Variants in TACC2 observed in about 807,000 individuals in gnomAD.
TACC2 encodes transforming acidic coiled-coil containing protein 2.
Under a neutral mutation model 227.3 loss-of-function variants are expected in TACC2, and 137 were observed. That is an observed-to-expected ratio of 0.60 (90% CI 0.52 to 0.69). The LOEUF is 0.69. Among genes scored for constraint, TACC2 ranks in the 30% least tolerant of loss-of-function variants. The probability of loss-of-function intolerance (pLI) is 0.00; values close to 1 mark genes in which losing one functional copy is unlikely to be tolerated. For missense variants in TACC2, 3,470 were observed against 3,694.4 expected (o/e 0.94, Z 1.57); for synonymous variants, 1,523 against 1,487.5 (o/e 1.02, Z -0.55).
At position 122,049,295 on chromosome 10, in the gene TACC2, CT is replaced by C. The variant is rs200172032; in HGVS notation, c.34-1142del. Among the ~76,000 whole-genome samples the C allele has an allele frequency of 9.9e-3, 1,502 of 152,348 alleles. 27 individuals carry two copies. The highest frequency in any genetic ancestry group is 0.035 in the African/African-American group (1,444 of 41,584). On this transcript the variant is annotated intron_variant, in intron 2 of 22. Coordinates refer to ENST00000369005, the MANE Select transcript of TACC2 (RefSeq NM_206862.4). ...ATCTCGGCTTTTCTCTGCCTGCGAG[CT>C]CTGCCATCTCTTTCTGTGGCGGTTT...
At chr10:122,213,506 A>T in intron 9 of TACC2, 1 of 895,408 alleles carries the variant, frequency 1.1e-6, no homozygotes, top group Non-Finnish European at 1.8e-6. Context: ...TGGGCCTGCG[A>T]ATGATGGGGC....
chr10:122,113,815 TGA>T (rs1174793293), intron 5 of TACC2, among the ~76,000 whole-genome samples: 1 of 152,232 alleles, frequency 6.6e-6, no homozygotes, highest in Admixed American at 6.5e-5. Flanking sequence ...GCGCAACACG[TGA>T]CCCGCCCGAG....
chr10:122,230,970 T>A (rs1013928345), intron 16 of TACC2, among the ~76,000 whole-genome samples: 2 of 152,252 alleles, frequency 1.3e-5, no homozygotes, highest in Non-Finnish European at 2.9e-5. Flanking sequence ...AAGCAATTCT[T>A]TCTGTAAAGT....
At chr10:121,992,217 G>A (rs1324098083) in intron 1 of TACC2, among the ~76,000 whole-genome samples, 1 of 152,182 alleles carries the variant, frequency 6.6e-6, no homozygotes, top group Non-Finnish European at 1.5e-5. Context: ...GTAGAAAGCT[G>A]TGAAGAAGGC....
chr10:122,122,798 A>G (rs1041116295), intron 5 of TACC2, among the ~76,000 whole-genome samples: 9 of 152,238 alleles, frequency 5.9e-5, no homozygotes, highest in African/African-American at 2.2e-4. Context: ...CCTGGCAAAC[A>G]GAAAGAAGTG....
In TACC2 at chr10:122,082,764, G is replaced by A. The variant is rs773786012; in HGVS notation, c.264G>A (p.Arg88=). ...CAAGGAAGGACCCACAGGGAGCCAGGGGGCCAGAAGGTTCTTTGCTGCCCA... is the reference window on the plus strand; with the variant it reads ...CAAGGAAGGACCCACAGGGAGCCAGAGGGCCAGAAGGTTCTTTGCTGCCCA... The part of the protein sequence containing the change: ...TEPRKDPQGA[R]GPEGSLLPSP... The change falls in exon 4 of 23, where the codon AGG becomes AGA. Residue 88 remains arginine, a synonymous_variant. Coordinates refer to ENST00000369005, the MANE Select transcript of TACC2 (RefSeq NM_206862.4). 6.2e-7 allele frequency: 1 copy of A among 1,613,966 alleles called. No individual in the cohort carries two copies. The highest frequency in any genetic ancestry group is 1.1e-5 in the South Asian group (1 of 91,062).
intron 6 of TACC2, among the ~76,000 whole-genome samples, chr10:122,135,964 C>G (rs11200426): frequency 6.6e-6 from 1 of 152,190 alleles, no homozygotes. Flanking sequence ...CAACAGGCCT[C>G]GGGGCGAAAA....
intron 3 of TACC2, among the ~76,000 whole-genome samples, chr10:122,061,975 CAG>C (rs935991728): frequency 1.3e-4 from 18 of 143,916 alleles, no homozygotes; most frequent in Non-Finnish European, 2.6e-4. Context: ...CCACAGGAAA[CAG>C]AATTTTAGAA....
chr10:122,191,337 C>A (rs537208724), intron 7 of TACC2, among the ~76,000 whole-genome samples: 1 of 152,036 alleles, frequency 6.6e-6, no homozygotes, highest in Non-Finnish European at 1.5e-5. Context: ...CTCCTGTGCC[C>A]GACACATAAC....
intron 6 of TACC2, among the ~76,000 whole-genome samples, chr10:122,133,693 C>T (rs1328411837): frequency 6.6e-6 from 1 of 152,192 alleles, no homozygotes; most frequent in African/African-American, 2.4e-5. Flanking sequence ...CCCTTCCTCC[C>T]AGAAGCCTTC....
intron 5 of TACC2, among the ~76,000 whole-genome samples, chr10:122,094,844 A>G (rs1329802283): frequency 2.0e-5 from 3 of 152,230 alleles, no homozygotes; most frequent in Non-Finnish European, 2.9e-5. Context: ...ATGATTTCCC[A>G]AATTGAATGT....
chr10:122,112,318 G>A (rs1484372160), intron 5 of TACC2, among the ~76,000 whole-genome samples: 1 of 152,168 alleles, frequency 6.6e-6, no homozygotes, highest in East Asian at 1.9e-4. Flanking sequence ...AGTTAGTTAG[G>A]CCCTTAAAGG....
chr10:122,253,253 G>A (rs1331794197), intron 22 of TACC2, among the ~76,000 whole-genome samples: 6 of 152,176 alleles, frequency 3.9e-5, no homozygotes, highest in South Asian at 4.1e-4. Context: ...ATTGGAGATC[G>A]GTCGTGCTGT....
chr10:122,015,476 G>C (rs1324838522), intron 1 of TACC2, among the ~76,000 whole-genome samples: 1 of 151,656 alleles, frequency 6.6e-6, no homozygotes, highest in African/African-American at 2.4e-5. Flanking sequence ...CTGCACTCCA[G>C]CCTAGGTGAC....
In TACC2 at chr10:121,989,309, C is replaced by T. The variant is rs1372119388; in HGVS notation, c.-225C>T. On this transcript the variant is annotated 5_prime_UTR_variant, in exon 1 of 23. Coordinates refer to ENST00000369005, the MANE Select transcript of TACC2 (RefSeq NM_206862.4). The stretch of plus-strand genomic sequence containing the variant: ...CCCGCTTGGTCCTCTTCCAAGTATA[C>T]TTTACTTCCTTTCATTCCTCTCTAA... The T allele has an allele frequency of 1.3e-5, 2 of 152,288 alleles. No individual in the cohort carries two copies. Among genetic ancestry groups the T allele is most frequent in the Admixed American group, 1.3e-4 (2 of 15,290 alleles). 9.4% of individuals were successfully genotyped at this position (152,288 alleles called of 1,614,324 possible). A position where few individuals can be genotyped will look rare whatever the true frequency, so the allele number is the denominator to read the frequency against.
chr10:122,172,775 C>G (rs2093539168), intron 7 of TACC2, among the ~76,000 whole-genome samples: 1 of 151,930 alleles, frequency 6.6e-6, no homozygotes, highest in Non-Finnish European at 1.5e-5. Context: ...CAGCACCAGG[C>G]TCTTGTGGGA....
Position 122,050,704 on chromosome 10 carries a change from A to T in TACC2, c.146+154A>T, listed in dbSNP as rs1477340553. The T allele has an allele frequency of 1.6e-6, 1 of 619,026 alleles. No homozygotes were observed. Among genetic ancestry groups the T allele is most frequent in the Non-Finnish European group, 2.9e-6 (1 of 347,290 alleles). 38.3% of individuals were successfully genotyped at this position (619,026 alleles called of 1,614,324 possible). A position where few individuals can be genotyped will look rare whatever the true frequency, so the allele number is the denominator to read the frequency against. ...TGAGATGTTCCAAGCAGTGGTTCAC[A>T]GACCTCTCTGTGACTGGCTAGGCCT... On this transcript the variant is annotated intron_variant, in intron 3 of 22. Transcript: ENST00000369005. This position sits in a 1 kb window ranked among gnomAD's most constrained non-coding sequence, Gnocchi z 4.6.
At position 122,081,881 on chromosome 10, in the gene TACC2, G is replaced by A. The variant is rs77602672; in HGVS notation, c.147-766G>A. 2.4e-3 allele frequency among the ~76,000 whole-genome samples: 369 copies of A among 152,278 alleles called. 2 individuals carry two copies. Among genetic ancestry groups the A allele is most frequent in the African/African-American group, 8.5e-3 (352 of 41,546 alleles). On this transcript the variant is annotated intron_variant, in intron 3 of 22. Coordinates refer to ENST00000369005, the MANE Select transcript of TACC2 (RefSeq NM_206862.4). ...GAAGAATCAAGTTAACTATTACCAG[G>A]AATGGCTCTTTATTTCAAAGCCTGG... is the stretch of plus-strand genomic sequence containing the variant.
chr10:122,224,757 A>G lies in TACC2; in HGVS notation c.7578A>G (p.Glu2526=), dbSNP rs750288599. The G allele has an allele frequency of 1.2e-6, 2 of 1,613,998 alleles. No homozygotes were observed. Among genetic ancestry groups the G allele is most frequent in the Non-Finnish European group, 1.7e-6 (2 of 1,179,994 alleles). ...ATTACAGAAACTCCTATGAAATTGA[A>G]TATATGGAGAAAATTGGCTCCTCCT... ...ELDYRNSYEI[E]YMEKIGSSLP... is the part of the protein sequence containing the mutation. Residue 2526 remains glutamate (E), a synonymous_variant, in exon 12 of 23, where the codon GAA becomes GAG. Coordinates refer to ENST00000369005, the MANE Select transcript of TACC2 (RefSeq NM_206862.4).
Sources: gnomAD v4.1 joint callset for allele counts (sites outside exome capture counted in the v4.1 genomes callset) on GRCh38, gnomAD v4.1.1 for gene constraint, Gnocchi (gnomAD v3.1) non-coding constraint, MANE v1.5 for transcripts, NCBI Gene and HGNC (gene_info 2026-07-23, HGNC 2026-07-21) for gene names.